IL34: variants seen among roughly 807,000 people sequenced by gnomAD.
IL34 encodes interleukin-34.
In IL34, 17 loss-of-function variants were observed where a neutral mutation model predicts 25.3. That is an observed-to-expected ratio of 0.67 (90% CI 0.46 to 1.01). IL34 has a LOEUF of 1.01. Among genes scored for constraint, IL34 ranks in the 50% least tolerant of loss-of-function variants. The pLI, the probability that IL34 is intolerant of heterozygous loss-of-function variation, is 0.00. For synonymous variants in IL34, 174 were observed against 140.9 expected, an observed-to-expected ratio of 1.23 and a Z score of -1.66; for missense variants, 368 against 312.9, an observed-to-expected ratio of 1.18 and a Z score of -1.33.
At chr16:70,659,053 C>G (rs912124771) in intron 4 of IL34, among the ~76,000 whole-genome samples, 2 of 152,140 alleles carry the variant, frequency 1.3e-5, no homozygotes, top group Non-Finnish European at 2.9e-5. Context: ...CCCCACGTTT[C>G]CCATGATGCT....
intron 1 of IL34, among the ~76,000 whole-genome samples, chr16:70,624,323 G>C (rs1361916079): frequency 1.3e-5 from 2 of 152,086 alleles, no homozygotes; most frequent in Non-Finnish European, 2.9e-5. Context: ...GTGTGCTGGA[G>C]ATGTGGCTGG....
At chr16:70,644,015 C>T (rs2051847837), upstream of IL34, among the ~76,000 whole-genome samples, 1 of 152,152 alleles carries the variant, frequency 6.6e-6, no homozygotes, top group African/African-American at 2.4e-5. Flanking sequence ...CGCTCTGTTG[C>T]CCCGACTGGA....
chr16:70,629,575 A>G (rs1377651045), intron 1 of IL34, among the ~76,000 whole-genome samples: 1 of 152,224 alleles, frequency 6.6e-6, no homozygotes, highest in Non-Finnish European at 1.5e-5. Flanking sequence ...ATTACTTATA[A>G]TAACGAATAC....
chr16:70,588,230 A>G (rs969445276), intron 1 of IL34, among the ~76,000 whole-genome samples: 2 of 152,114 alleles, frequency 1.3e-5, no homozygotes, highest in African/African-American at 4.8e-5. Context: ...TCATGCGTGT[A>G]ATCCCAGCAC....
At chr16:70,585,657 C>A (rs2050684816) in intron 1 of IL34, among the ~76,000 whole-genome samples, 1 of 151,354 alleles carries the variant, frequency 6.6e-6, no homozygotes, top group Non-Finnish European at 1.5e-5. Flanking sequence ...TCACTGTACT[C>A]CAGCCTAGGT....
At chr16:70,657,142 G>A in intron 4 of IL34, 21 bp downstream of exon 4, 1 of 1,609,664 alleles carries the variant, frequency 6.2e-7, no homozygotes, top group Non-Finnish European at 8.5e-7. Context: ...TGGAGGAGTG[G>A]CAGGTGGGGT....
intron 1 of IL34, among the ~76,000 whole-genome samples, chr16:70,639,664 G>T (rs1380824951): frequency 6.6e-6 from 1 of 152,142 alleles, no homozygotes; most frequent in Non-Finnish European, 1.5e-5. Flanking sequence ...AGAAAGACAA[G>T]ACAGAGGAGT....
chr16:70,639,123 A>G (rs2051723077), intron 1 of IL34, among the ~76,000 whole-genome samples: 1 of 152,122 alleles, frequency 6.6e-6, no homozygotes, highest in African/African-American at 2.4e-5. Context: ...TGCCCTTGGG[A>G]TATGGTGTGG....
chr16:70,640,278 A>T (rs1338123308), intron 1 of IL34, among the ~76,000 whole-genome samples: 2 of 152,044 alleles, frequency 1.3e-5, no homozygotes, highest in African/African-American at 4.8e-5. Flanking sequence ...AGTACCTGGG[A>T]CTACAGGTGC....
intron 1 of IL34, among the ~76,000 whole-genome samples, chr16:70,608,829 G>A (rs2151825160): frequency 6.6e-6 from 1 of 152,218 alleles, no homozygotes; most frequent in African/African-American, 2.4e-5. Flanking sequence ...CTCAGTCTCT[G>A]CATCTGGGAA....
chr16:70,618,406 CAA>C (rs2051208471), intron 1 of IL34, among the ~76,000 whole-genome samples: 1 of 151,980 alleles, frequency 6.6e-6, no homozygotes, highest in Admixed American at 6.6e-5. Flanking sequence ...GGAGACTCAA[CAA>C]AGAGTGAGTA....
At chr16:70,632,515 G>A (rs2151851883) in intron 1 of IL34, among the ~76,000 whole-genome samples, 1 of 152,300 alleles carries the variant, frequency 6.6e-6, no homozygotes, top group African/African-American at 2.4e-5. Flanking sequence ...GAGGAGCTGG[G>A]CCAATGCTTT....
At chr16:70,604,917 CAT>C (rs2050978718) in intron 1 of IL34, among the ~76,000 whole-genome samples, 2 of 151,720 alleles carry the variant, frequency 1.3e-5, no homozygotes, top group Non-Finnish European at 2.9e-5. Flanking sequence ...TGTGTGTGTG[CAT>C]GTGTGTGTGT....
intron 1 of IL34, among the ~76,000 whole-genome samples, chr16:70,625,132 G>A (rs1436010281): frequency 6.6e-6 from 1 of 152,074 alleles, no homozygotes; most frequent in African/African-American, 2.4e-5. Flanking sequence ...AAGCAGCATT[G>A]CAGAAGAAAA....
In IL34 at chr16:70,646,665, C is replaced by T. The variant is rs1390876641; in HGVS notation, c.-283C>T. The T allele has an allele frequency of 2.3e-5, 10 of 429,588 alleles. No homozygotes were observed. Among genetic ancestry groups the T allele is most frequent in the African/African-American group, 4.1e-5 (2 of 48,584 alleles). 26.6% of individuals were successfully genotyped at this position (429,588 alleles called of 1,614,324 possible). A position where few individuals can be genotyped will look rare whatever the true frequency, so the allele number is the denominator to read the frequency against. On this transcript the variant is annotated 5_prime_UTR_variant, in exon 1 of 6. Coordinates refer to ENST00000288098, the MANE Select transcript of IL34 (RefSeq NM_001393494.1). ...CTCCTGCTCCTTGGAAAGGAAGACC[C>T]CGAAAGACCCCCAAGCCACCGGCTC...
chr16:70,641,070 G>C (rs1250560867), intron 1 of IL34, among the ~76,000 whole-genome samples: 2 of 152,044 alleles, frequency 1.3e-5, no homozygotes, highest in South Asian at 4.1e-4. Context: ...TCAGAAATTT[G>C]AGACCAGCCT....
intron 1 of IL34, among the ~76,000 whole-genome samples, chr16:70,585,940 TCTC>T (rs1299441894): frequency 6.6e-6 from 1 of 151,072 alleles, no homozygotes. Flanking sequence ...TTCACGCCAT[TCTC>T]CTGCCTCAGC....
At chr16:70,643,708 C>G (rs2051840932), upstream of IL34, among the ~76,000 whole-genome samples, 2 of 152,008 alleles carry the variant, frequency 1.3e-5, no homozygotes, top group Non-Finnish European at 2.9e-5. Context: ...TTATGGCATG[C>G]AAATTATATA....
chr16:70,612,169 C>T (rs1416072649), intron 1 of IL34, among the ~76,000 whole-genome samples: 2 of 152,206 alleles, frequency 1.3e-5, no homozygotes, highest in Non-Finnish European at 2.9e-5. Flanking sequence ...GTCTAGAAAT[C>T]GGGGTTCTGG....
Sources: gnomAD v4.1 joint callset for allele counts (sites outside exome capture counted in the v4.1 genomes callset) on GRCh38, gnomAD v4.1.1 for gene constraint, MANE v1.5 for transcripts, NCBI Gene and HGNC (gene_info 2026-07-23, HGNC 2026-07-21) for gene names.